Variants in FAM3B observed in about 807,000 individuals in gnomAD.
The protein encoded by FAM3B is protein FAM3B.
A neutral mutation model predicts 28.4 loss-of-function variants in FAM3B; 29 were observed. That is an observed-to-expected ratio of 1.02 (90% CI 0.76 to 1.39). FAM3B has a LOEUF of 1.39. Among genes scored for constraint, FAM3B ranks in the 40% most tolerant of loss-of-function variants. The probability of loss-of-function intolerance (pLI) is 0.00; values close to 1 mark genes in which losing one functional copy is unlikely to be tolerated. For synonymous variants in FAM3B, 91 were observed against 103.0 expected, an observed-to-expected ratio of 0.88 and a Z score of 0.71; for missense variants, 266 against 293.9, an observed-to-expected ratio of 0.91 and a Z score of 0.69.
In FAM3B at chr21:41,306,317, ACCT is replaced by A. The variant is rs540354038; in HGVS notation, n.99+2013_99+2015del. ...AAACTCCTTTTAATGTTTTATTTTG[ACCT>A]CCTCCCATGAATCACAAATGTTCTT... is the stretch of plus-strand genomic sequence containing the variant. On this transcript the variant is annotated intron_variant and non_coding_transcript_variant, in intron 1 of 9. Coordinates refer to the FAM3B transcript ENST00000479810. Among the ~76,000 whole-genome samples, 4 of 152,102 alleles carry A rather than the reference ACCT, an allele frequency of 2.6e-5. No individual in the cohort carries two copies. In the South Asian group the frequency reaches 8.3e-4, roughly 32 times the overall value.
chr21:41,315,769 G>C (rs1170352034), upstream of FAM3B, among the ~76,000 whole-genome samples: 1 of 152,154 alleles, frequency 6.6e-6, no homozygotes, highest in African/African-American at 2.4e-5. Context: ...CACAGGACAT[G>C]TGTCCCTAGA....
rs771213774 is a variant in FAM3B, at chr21:41,345,014, A to G, written c.346+480A>G. Among the ~76,000 whole-genome samples the G allele has an allele frequency of 5.7e-4, 87 of 152,362 alleles. 1 individual carries two copies. Among genetic ancestry groups the G allele is most frequent in the Middle Eastern group, 6.8e-3 (2 of 294 alleles). On this transcript the variant is annotated intron_variant, in intron 4 of 7. Coordinates refer to ENST00000357985, the MANE Select transcript of FAM3B (RefSeq NM_058186.4). ...TCACAGTTGCCTTTGAGGGGCCCAG[A>G]GGAGAAGGAAAGGGTTTCCCACAAC...
chr21:41,340,583 GAGAGGTA>G (rs1358213806), intron 3 of FAM3B, among the ~76,000 whole-genome samples: 1 of 152,160 alleles, frequency 6.6e-6, no homozygotes, highest in Non-Finnish European at 1.5e-5. Context: ...ACATGAGTTT[GAGAGGTA>G]ACAAACATTC....
chr21:41,307,268 C>G (rs2088687559), intron 1 of FAM3B, among the ~76,000 whole-genome samples: 1 of 152,236 alleles, frequency 6.6e-6, no homozygotes, highest in African/African-American at 2.4e-5. Context: ...CCCAACTTTT[C>G]TTCTGCAGCT....
chr21:41,347,374 A>G (rs973064318), intron 6 of FAM3B, among the ~76,000 whole-genome samples: 8 of 152,226 alleles, frequency 5.3e-5, no homozygotes, highest in African/African-American at 1.9e-4. Flanking sequence ...AGGACAGACA[A>G]ACTAACCTCC....
At chr21:41,335,763 A>C (rs934736288) in intron 2 of FAM3B, among the ~76,000 whole-genome samples, 1 of 152,234 alleles carries the variant, frequency 6.6e-6, no homozygotes, top group African/African-American at 2.4e-5. Context: ...AGGAAAAGAT[A>C]CTTGATGCAA....
upstream of FAM3B, among the ~76,000 whole-genome samples, chr21:41,315,190 A>T (rs774493324): frequency 2.0e-5 from 3 of 152,210 alleles, no homozygotes; most frequent in Non-Finnish European, 4.4e-5. Context: ...AGTCACAAAA[A>T]GACAAATAGT....
chr21:41,305,425 T>C (rs1441335948), intron 1 of FAM3B, among the ~76,000 whole-genome samples: 1 of 152,238 alleles, frequency 6.6e-6, no homozygotes, highest in African/African-American at 2.4e-5. Context: ...TTAGCAGTCT[T>C]GGACTGTCAT....
chr21:41,321,998 T>C (rs925659945), intron 1 of FAM3B, among the ~76,000 whole-genome samples: 1 of 152,286 alleles, frequency 6.6e-6, no homozygotes, highest in East Asian at 1.9e-4. Context: ...TTCTTAGGAC[T>C]GTCCCTATTA....
intron 6 of FAM3B, 24 bp from the exon 7 acceptor site, chr21:41,348,560 GATGCTCAC>G: frequency 1.2e-6 from 2 of 1,613,698 alleles, no homozygotes; most frequent in Non-Finnish European, 1.7e-6. Flanking sequence ...GTCTCCCTGA[GATGCTCAC>G]ATGCTTTTCC....
At chr21:41,325,237 C>T (rs1322150701) in intron 2 of FAM3B, among the ~76,000 whole-genome samples, 2 of 152,208 alleles carry the variant, frequency 1.3e-5, no homozygotes, top group Non-Finnish European at 2.9e-5. Flanking sequence ...CTCAGAGGCA[C>T]CTAATAAATC....
rs546188068 is a variant in FAM3B at position 41,309,876 on chromosome 21, C to G, written n.99+5566C>G. Among the ~76,000 whole-genome samples, 5 of 152,310 alleles carry G rather than the reference C, an allele frequency of 3.3e-5. No homozygotes were observed. In the South Asian group the frequency reaches 8.3e-4, roughly 25 times the overall value. On this transcript the variant is annotated intron_variant and non_coding_transcript_variant, in intron 1 of 9. Transcript: ENST00000479810. ...GGTCCACCCAGGTTGTTTCCCAGAACAAAAGGGGAGCAACCCAAAATGGTG... is the reference window on the plus strand; with the variant it reads ...GGTCCACCCAGGTTGTTTCCCAGAAGAAAAGGGGAGCAACCCAAAATGGTG...
intron 5 of FAM3B, chr21:41,345,941 G>T: frequency 2.2e-6 from 1 of 459,684 alleles, no homozygotes; most frequent in Non-Finnish European, 3.9e-6. Context: ...ATCTAGAAAT[G>T]TCTTTTCTTC....
intron 2 of FAM3B, among the ~76,000 whole-genome samples, chr21:41,338,103 A>G (rs2088972175): frequency 6.6e-6 from 1 of 152,042 alleles, no homozygotes; most frequent in African/African-American, 2.4e-5. Context: ...ATGGGCAGCC[A>G]TGGGCAGTGA....
intron 1 of FAM3B, among the ~76,000 whole-genome samples, chr21:41,322,223 C>G (rs986137374): frequency 6.6e-6 from 1 of 152,186 alleles, no homozygotes; most frequent in Non-Finnish European, 1.5e-5. Flanking sequence ...AGGAGGAGAT[C>G]AATGCCTTTT....
upstream of FAM3B, among the ~76,000 whole-genome samples, chr21:41,313,873 T>C (rs1188554533): frequency 1.3e-5 from 2 of 152,216 alleles, no homozygotes; most frequent in East Asian, 1.9e-4. Context: ...TCCATTTTCC[T>C]GTAGATGGAA....
intron 3 of FAM3B, among the ~76,000 whole-genome samples, chr21:41,340,080 A>G (rs1305050815): frequency 1.3e-5 from 2 of 151,650 alleles, no homozygotes; most frequent in African/African-American, 4.8e-5. Flanking sequence ...CTCATGTTCA[A>G]GGTAGGAGAA....
intron 7 of FAM3B, among the ~76,000 whole-genome samples, chr21:41,350,858 C>T (rs1271419226): frequency 6.6e-6 from 1 of 152,230 alleles, no homozygotes; most frequent in Non-Finnish European, 1.5e-5. Context: ...TTCCCAGTTC[C>T]ACAGTCTCTT....
At chr21:41,337,058 T>A (rs78966000) in intron 2 of FAM3B, among the ~76,000 whole-genome samples, 3,657 of 152,296 alleles carry the variant, frequency 0.024, 153 homozygotes, top group African/African-American at 0.083. Context: ...ACTACTTCCA[T>A]TTTGTTCATT....
Sources: allele counts gnomAD v4.1 joint callset (sites outside exome capture counted in the v4.1 genomes callset), GRCh38; gene constraint gnomAD v4.1.1; transcripts MANE v1.5; gene names NCBI Gene and HGNC (gene_info 2026-07-23, HGNC 2026-07-21).